The following FLI1 variants were observed in gnomAD, a reference collection of about 807,000 sequenced individuals.
FLI1 encodes Fli-1 proto-oncogene, ETS transcription factor.
A neutral mutation model predicts 53.1 loss-of-function variants in FLI1; 13 were observed. The ratio of observed to expected loss-of-function variants is 0.24; its 90% CI spans 0.16 to 0.39. FLI1 has a LOEUF of 0.39. Ranked by LOEUF, FLI1 falls within the 10% of genes least tolerant of loss-of-function variation. The pLI is 1.00. For missense variants in FLI1, 424 were observed against 600.5 expected (o/e 0.71, Z 3.07); for synonymous variants, 244 against 236.7 (o/e 1.03, Z -0.28).
At chr11:128,703,611 G>A (rs573727190) in intron 1 of FLI1, among the ~76,000 whole-genome samples, 2 of 152,226 alleles carry the variant, frequency 1.3e-5, no homozygotes, top group African/African-American at 2.4e-5. Flanking sequence ...TTGGGAGGCC[G>A]AGGCTAGCAG....
At chr11:128,704,438 G>A (rs901688945) in intron 1 of FLI1, among the ~76,000 whole-genome samples, 13 of 152,072 alleles carry the variant, frequency 8.5e-5, no homozygotes, top group African/African-American at 2.7e-4. Flanking sequence ...CGCCACTCTG[G>A]GGTCTTAGAT....
chr11:128,797,478 C>T (rs776404790), intron 5 of FLI1, among the ~76,000 whole-genome samples: 1 of 152,206 alleles, frequency 6.6e-6, no homozygotes, highest in Non-Finnish European at 1.5e-5. Flanking sequence ...AGTCTTTGCT[C>T]AAATTCTATA....
chr11:128,690,468 C>T (rs1937694126), upstream of FLI1, among the ~76,000 whole-genome samples: 1 of 152,098 alleles, frequency 6.6e-6, no homozygotes, highest in Middle Eastern at 3.2e-3. Context: ...AGTCTGGGGC[C>T]GAAGAAGCCC....
In FLI1 at chr11:128,711,241, T is replaced by C. The variant is rs924746165; in HGVS notation, c.18+16965T>C. ...TAGTGGGCAGTACAAGACTGCATCA[T>C]TCAAGTTAAAAACATCATCTTGAAA... On this transcript the variant is annotated intron_variant, in intron 1 of 8. Coordinates refer to ENST00000527786, the MANE Select transcript of FLI1 (RefSeq NM_002017.5). 4.6e-5 allele frequency among the ~76,000 whole-genome samples: 7 copies of C among 152,348 alleles called. 1 individual carries two copies. The East Asian group carries it at 1.3e-3, about 29-fold the overall frequency.
chr11:128,793,797 C>T lies in FLI1; in HGVS notation c.656-11569C>T, dbSNP rs542479208. 8.3e-4 allele frequency among the ~76,000 whole-genome samples: 127 copies of T among 152,258 alleles called. 2 individuals are homozygous for T. The highest frequency in any genetic ancestry group is 2.9e-3 in the African/African-American group (120 of 41,526). On this transcript the variant is annotated intron_variant, in intron 5 of 8. Transcript: ENST00000527786. ...AGCCCTGCTACATTTTAGTAAAGGA[C>T]GGTGACATTAGGTAAACCTCCAAGT... is the stretch of plus-strand genomic sequence containing the variant.
chr11:128,726,536 A>G (rs954004479), intron 1 of FLI1, among the ~76,000 whole-genome samples: 1 of 52,072 alleles, frequency 1.9e-5, no homozygotes. Flanking sequence ...CCACCCTCCC[A>G]CCCCCCTACC....
chr11:128,769,314 T>G (rs544315373), intron 3 of FLI1, among the ~76,000 whole-genome samples: 1 of 152,272 alleles, frequency 6.6e-6, no homozygotes, highest in South Asian at 2.1e-4. Flanking sequence ...GCAAAGTGAT[T>G]ACAGGGCAGG....
intron 1 of FLI1, among the ~76,000 whole-genome samples, chr11:128,742,906 A>T (rs767348815): frequency 1.3e-5 from 2 of 152,230 alleles, no homozygotes; most frequent in Non-Finnish European, 2.9e-5. Flanking sequence ...GTTCATGATT[A>T]AAAGAAGCAA....
intron 1 of FLI1, among the ~76,000 whole-genome samples, chr11:128,733,467 T>C (rs1939782596): frequency 6.6e-6 from 1 of 152,216 alleles, no homozygotes; most frequent in Non-Finnish European, 1.5e-5. Context: ...CTTTCTCAGC[T>C]TCCCCTCACT....
At chr11:128,799,403 G>A (rs987589844) in intron 5 of FLI1, among the ~76,000 whole-genome samples, 1 of 152,112 alleles carries the variant, frequency 6.6e-6, no homozygotes, top group African/African-American at 2.4e-5. Context: ...TGTATATGGT[G>A]TGTATTTTTA....
At chr11:128,723,308 G>A (rs1461754288) in intron 1 of FLI1, among the ~76,000 whole-genome samples, 2 of 152,156 alleles carry the variant, frequency 1.3e-5, no homozygotes, top group Non-Finnish European at 2.9e-5. Flanking sequence ...GAAGCTCCCT[G>A]TGGGCTTGGA....
At chr11:128,807,366 T>A in intron 7 of FLI1, 127 bp downstream of exon 7, 1 of 555,876 alleles carries the variant, frequency 1.8e-6, no homozygotes. Flanking sequence ...AAAGAGGGTC[T>A]ATCTTTGACC....
intron 2 of FLI1, among the ~76,000 whole-genome samples, chr11:128,765,251 T>C (rs753965509): frequency 1.3e-5 from 2 of 152,076 alleles, no homozygotes; most frequent in Admixed American, 6.5e-5. Context: ...TTTGGGGAAA[T>C]GTTTCTTTCA....
intron 4 of FLI1, among the ~76,000 whole-genome samples, chr11:128,779,900 G>A (rs1941856054): frequency 6.6e-6 from 1 of 152,214 alleles, no homozygotes; most frequent in African/African-American, 2.4e-5. Context: ...ACAGCCTGTG[G>A]CTCCTAGCTT....
chr11:128,708,339 CT>C (rs1754200862), intron 1 of FLI1, among the ~76,000 whole-genome samples: 1 of 152,206 alleles, frequency 6.6e-6, no homozygotes, highest in Admixed American at 6.5e-5. Context: ...TAACTCCCTT[CT>C]GATTGGAAGG....
chr11:128,797,533 T>C (rs2268607), intron 5 of FLI1, among the ~76,000 whole-genome samples: 21,644 of 152,236 alleles, frequency 0.14, 1,654 homozygotes, highest in East Asian at 0.26. Flanking sequence ...ACTTCCCTCC[T>C]CTGGTTTTCT....
intron 5 of FLI1, among the ~76,000 whole-genome samples, chr11:128,782,789 C>T (rs1941959587): frequency 6.6e-6 from 1 of 152,208 alleles, no homozygotes; most frequent in Non-Finnish European, 1.5e-5. Flanking sequence ...AAGAAAACTT[C>T]CTCGGCAAAT....
In FLI1 at chr11:128,811,643, T is replaced by G. The variant is rs1315095923; in HGVS notation, c.*655T>G. 2 of 209,724 alleles carry G rather than the reference T, an allele frequency of 9.5e-6. No individual in the cohort carries two copies. The highest frequency in any genetic ancestry group is 4.6e-5 in the African/African-American group (2 of 43,912). The allele number at this position is 209,724 out of a possible 1,614,324, so 13.0% of individuals were successfully genotyped here. On this transcript the variant is annotated 3_prime_UTR_variant, in exon 9 of 9. Coordinates refer to ENST00000527786, the MANE Select transcript of FLI1 (RefSeq NM_002017.5). The stretch of plus-strand genomic sequence containing the variant: ...ATAGTCAAGATATGAACTAAGAAAT[T>G]TTAATGCAAATACATACATTCCTGA...
chr11:128,784,403 T>C (rs993151769), intron 5 of FLI1, among the ~76,000 whole-genome samples: 2 of 152,194 alleles, frequency 1.3e-5, no homozygotes, highest in Non-Finnish European at 2.9e-5. Context: ...TCCCTCTTGC[T>C]GGGTAGCAAC....
Sources: allele counts gnomAD v4.1 joint callset (sites outside exome capture counted in the v4.1 genomes callset), GRCh38; gene constraint gnomAD v4.1.1; transcripts MANE v1.5; gene names NCBI Gene and HGNC (gene_info 2026-07-23, HGNC 2026-07-21).